The following RNF32 variants were observed in gnomAD, a reference collection of about 807,000 sequenced individuals.
RNF32 encodes ring finger protein 32.
A neutral mutation model predicts 41.0 loss-of-function variants in RNF32; 36 were observed. The ratio of observed to expected loss-of-function variants is 0.88; its 90% CI spans 0.67 to 1.16. The LOEUF is 1.16. Among genes scored for constraint, RNF32 ranks in the 50% most tolerant of loss-of-function variants. The pLI is 0.00. For missense variants in RNF32, 413 were observed against 436.7 expected, an observed-to-expected ratio of 0.95 and a Z score of 0.48; for synonymous variants, 154 against 160.9, an observed-to-expected ratio of 0.96 and a Z score of 0.32.
intron 3 of RNF32, among the ~76,000 whole-genome samples, 182 bp downstream of exon 3, chr7:156,644,939 G>A (rs1008686359): frequency 3.9e-5 from 6 of 151,948 alleles, no homozygotes; most frequent in African/African-American, 1.4e-4. Flanking sequence ...AGAGCAAGAA[G>A]GTAAAGATAG....
chr7:156,654,894 T>C (rs1266939876), intron 4 of RNF32, 176 bp downstream of exon 4: 1 of 533,298 alleles, frequency 1.9e-6, no homozygotes, highest in African/African-American at 1.9e-5. Flanking sequence ...CTAAACACCC[T>C]CATTAAATAG....
chr7:156,641,198 C>T (rs1003105876), intron 1 of RNF32, among the ~76,000 whole-genome samples: 2 of 152,208 alleles, frequency 1.3e-5, no homozygotes, highest in Non-Finnish European at 2.9e-5. Context: ...TGAGTGGAAC[C>T]TCAGAAAACG....
At chr7:156,666,896 T>C (rs549516945) in intron 7 of RNF32, among the ~76,000 whole-genome samples, 106 of 152,274 alleles carry the variant, frequency 7.0e-4, no homozygotes, top group South Asian at 4.4e-3. Context: ...AAGTGCATTA[T>C]ATTATCTCCG....
intron 3 of RNF32, chr7:156,646,709 C>A: frequency 2.9e-6 from 1 of 347,962 alleles, no homozygotes; most frequent in Non-Finnish European, 5.5e-6. Context: ...CAGCATCAAG[C>A]TAAGTACTTT....
Position 156,644,553 on chromosome 7 carries a change from C to G in RNF32, c.70C>G (p.His24Asp), listed in dbSNP as rs761089402. ...AGTCAATGCAGTTGCTTTACAAGAT[C>G]ACATTTTACATGATCTTCAACTTCG... Reference protein sequence around the residue: ...LAVNAVALQDHILHDLQLRNL... With the variant: ...LAVNAVALQDDILHDLQLRNL... Residue 24 changes from histidine (H) to aspartate (D), a missense_variant, in exon 3 of 9, where the codon CAC (histidine) becomes GAC (aspartate). Physicochemically the swap from His to Asp is moderately conservative, Grantham distance 81 (BLOSUM62 -1). Coordinates refer to ENST00000317955, the MANE Select transcript of RNF32 (RefSeq NM_030936.4). The G allele has an allele frequency of 6.2e-7, 1 of 1,612,224 alleles. No individual in the cohort carries two copies. Among genetic ancestry groups the G allele is most frequent in the Non-Finnish European group, 8.5e-7 (1 of 1,178,972 alleles).
intron 7 of RNF32, among the ~76,000 whole-genome samples, chr7:156,661,804 A>G (rs575527530): frequency 6.2e-4 from 94 of 152,332 alleles, no homozygotes; most frequent in Non-Finnish European, 1.2e-3. Context: ...TGGGTTGTAG[A>G]TATCAGCAGT....
chr7:156,643,957 T>C (rs1563065381), intron 2 of RNF32, 65 bp downstream of exon 2: 2 of 1,436,646 alleles, frequency 1.4e-6, no homozygotes, highest in Non-Finnish European at 2.0e-6. Context: ...AATTCAGCCA[T>C]TTGAGAGTAT....
chr7:156,660,415 A>G lies in RNF32; in HGVS notation c.684+1845A>G, dbSNP rs373543568. 6.6e-6 allele frequency: 3 copies of G among 451,552 alleles called. No individual in the cohort carries two copies. In the East Asian group the frequency reaches 4.6e-4, roughly 70 times the overall value. The allele number at this position is 451,552 out of a possible 1,614,324, so 28.0% of individuals were successfully genotyped here. Reference sequence around the variant, plus strand: ...TAAGATGATCTCAGATGATTTCAATAGCAAATTCACTTAAGCTGAATATCT... The same window carrying G: ...TAAGATGATCTCAGATGATTTCAATGGCAAATTCACTTAAGCTGAATATCT... On this transcript the variant is annotated intron_variant, in intron 7 of 8. Transcript: ENST00000317955.
chr7:156,645,381 C>G (rs1441316693), intron 3 of RNF32, among the ~76,000 whole-genome samples: 1 of 152,240 alleles, frequency 6.6e-6, no homozygotes, highest in Non-Finnish European at 1.5e-5. Context: ...CTGTGGCATT[C>G]TTACCAAAAT....
rs1309725446 is a variant in RNF32 at position 156,658,418 on chromosome 7, TAG to T, written c.576-41_576-40del. On this transcript the variant is annotated intron_variant, in intron 6 of 8. Coordinates refer to ENST00000317955, the MANE Select transcript of RNF32 (RefSeq NM_030936.4). ...ACAACTACTGAAGTATTGGTTGACA[TAG>T]AGTCATCATAAATTAGTCATTTTCA... The T allele has an allele frequency of 5.2e-6, 8 of 1,541,572 alleles. No homozygotes were observed. The African/African-American group carries it at 8.2e-5, about 16-fold the overall frequency.
At chr7:156,646,225 C>A (rs1488386971) in intron 3 of RNF32, among the ~76,000 whole-genome samples, 1 of 152,212 alleles carries the variant, frequency 6.6e-6, no homozygotes, top group Non-Finnish European at 1.5e-5. Context: ...GCAATTAGTA[C>A]AAACTGGGTG....
intron 3 of RNF32, among the ~76,000 whole-genome samples, chr7:156,649,615 C>A (rs763582046): frequency 2.6e-5 from 4 of 152,116 alleles, no homozygotes; most frequent in Non-Finnish European, 4.4e-5. Flanking sequence ...GGTTTTTAAA[C>A]TCATTAATAG....
chr7:156,675,796 T>G lies in RNF32; in HGVS notation c.785T>G (p.Leu262Arg). 6.2e-7 allele frequency: 1 copy of G among 1,614,150 alleles called. No individual in the cohort carries two copies. Among genetic ancestry groups the G allele is most frequent in the Non-Finnish European group, 8.5e-7 (1 of 1,180,014 alleles). Residue 262 changes from leucine to arginine, a missense_variant, in exon 8 of 9, where the codon CTT becomes CGT. Coordinates refer to ENST00000317955, the MANE Select transcript of RNF32 (RefSeq NM_030936.4). Reference protein sequence around the residue: ...DQCLAINRSVLQQLEEKCGHE... With the variant: ...DQCLAINRSVRQQLEEKCGHE... ...TGCTTGGCCATAAATCGAAGTGTTC[T>G]TCAGCAGTTGGAAGAAAAATGTGGC...
intron 3 of RNF32, among the ~76,000 whole-genome samples, chr7:156,646,003 G>C (rs1048747357): frequency 6.6e-6 from 1 of 152,136 alleles, no homozygotes. Flanking sequence ...CCTCCGTCAT[G>C]GCTGATTGAA....
At position 156,669,373 on chromosome 7, in the gene RNF32, A is replaced by G. The variant is rs1362211195; in HGVS notation, c.685-6323A>G. The G allele has an allele frequency of 6.6e-6, 1 of 152,198 alleles. No individual in the cohort carries two copies. The highest frequency in any genetic ancestry group is 6.5e-5 in the Admixed American group (1 of 15,272). 9.4% of individuals were successfully genotyped at this position (152,198 alleles called of 1,614,324 possible). On this transcript the variant is annotated intron_variant, in intron 7 of 8. Coordinates refer to ENST00000317955, the MANE Select transcript of RNF32 (RefSeq NM_030936.4). The surrounding 1 kb of genome is among the most constrained non-coding windows in gnomAD (Gnocchi z 4.2). ...AAAAATGCAAAGAGAGGAAGGGGAG[A>G]GAGAGTGAAGTGAGGGGTGAGATGT...
chr7:156,659,865 A>G, intron 7 of RNF32: 1 of 976,548 alleles, frequency 1.0e-6, no homozygotes. Context: ...TCATGGAAAA[A>G]GGAAACGAAA....
chr7:156,649,418 A>G (rs1384984895), intron 3 of RNF32, among the ~76,000 whole-genome samples: 1 of 149,998 alleles, frequency 6.7e-6, no homozygotes, highest in African/African-American at 2.5e-5. Flanking sequence ...CTTTTTTTTT[A>G]ATCTGGCCAG....
intron 7 of RNF32, chr7:156,660,080 A>AT (rs1348338298): frequency 1.0e-6 from 1 of 985,722 alleles, no homozygotes; most frequent in Non-Finnish European, 1.2e-6. Context: ...TCCTTGGTTC[A>AT]TCCCAACTGC....
chr7:156,658,423 T>A (rs757269842), intron 6 of RNF32, 39 bp from the exon 7 acceptor site: 6 of 1,548,830 alleles, frequency 3.9e-6, no homozygotes, highest in Non-Finnish European at 5.4e-6. Flanking sequence ...TGACATAGAG[T>A]CATCATAAAT....
Sources: gnomAD v4.1 joint callset for allele counts (sites outside exome capture counted in the v4.1 genomes callset) on GRCh38, gnomAD v4.1.1 for gene constraint, Gnocchi (gnomAD v3.1) non-coding constraint, MANE v1.5 for transcripts, NCBI Gene and HGNC (gene_info 2026-07-23, HGNC 2026-07-21) for gene names.